Variants in ATG9A observed in about 807,000 individuals in gnomAD.
ATG9A encodes autophagy related 9A, also known as autophagy-related protein 9A.
Under a neutral mutation model 87.1 loss-of-function variants are expected in ATG9A, and 21 were observed. The ratio of observed to expected loss-of-function variants is 0.24; its 90% CI spans 0.17 to 0.35. The LOEUF is 0.35. ATG9A is among the 10% of genes least tolerant of loss of function. The pLI, the probability that ATG9A is intolerant of heterozygous loss-of-function variation, is 1.00. For missense variants in ATG9A, 836 were observed against 1,107.3 expected (o/e 0.76, Z 3.48); for synonymous variants, 422 against 441.3 (o/e 0.96, Z 0.55).
chr2:219,224,946 T>C lies in ATG9A; in HGVS notation c.517-92A>G. The C allele has an allele frequency of 1.3e-6, 2 of 1,577,546 alleles. No individual in the cohort carries two copies. The highest frequency in any genetic ancestry group is 2.3e-5 in the South Asian group (2 of 87,812). On this transcript the variant is annotated intron_variant, in intron 7 of 15. Transcript: ENST00000361242. The surrounding 1 kb of genome is among the most constrained non-coding windows in gnomAD (Gnocchi z 7.7). ...TATATTAGAAGTGAGATTCAGGGGTTGTGAGCTTAAGAGACAGTTCCTGAT... is the reference window on the plus strand; with the variant it reads ...TATATTAGAAGTGAGATTCAGGGGTCGTGAGCTTAAGAGACAGTTCCTGAT...
chr2:219,221,278 C>T lies in ATG9A; in HGVS notation c.2170G>A (p.Glu724Lys). ...HQLHKQQAQA[E>K]PERHVWHRRE... ...CGGTGCCATACATGCCGCTCAGGTTCAGCCTGGGCCTGCTGCTTGTGGAGC... is the reference window on the plus strand; with the variant it reads ...CGGTGCCATACATGCCGCTCAGGTTTAGCCTGGGCCTGCTGCTTGTGGAGC... Residue 724 changes from glutamate (E) to lysine (K), a missense_variant, in exon 14 of 16, where the codon GAA becomes AAA. Coordinates refer to ENST00000361242, the MANE Select transcript of ATG9A (RefSeq NM_001077198.3). 6.4e-7 allele frequency: 1 copy of T among 1,564,910 alleles called. No individual in the cohort carries two copies. The highest frequency in any genetic ancestry group is 8.6e-7 in the Non-Finnish European group (1 of 1,156,576).
At position 219,224,857 on chromosome 2, in the gene ATG9A, G is replaced by A; in HGVS notation, c.517-3C>T. 2 of 1,517,772 alleles carry A rather than the reference G, an allele frequency of 1.3e-6. No homozygotes were observed. The highest frequency in any genetic ancestry group is 1.8e-6 in the Non-Finnish European group (2 of 1,124,780). The allele number at this position is 1,517,772 out of a possible 1,614,324, so 94.0% of individuals were successfully genotyped here. On this transcript the variant is annotated splice_polypyrimidine_tract_variant and splice_region_variant and intron_variant, in intron 7 of 15. Coordinates refer to ENST00000361242, the MANE Select transcript of ATG9A (RefSeq NM_001077198.3). The surrounding 1 kb of genome is among the most constrained non-coding windows in gnomAD (Gnocchi z 7.7). Reference sequence around the variant, plus strand: ...CACGTGCAATACGGAAGGGCAGACTGCGGGGTGGGGTGGGGAAGAGACAAG... The same window carrying A: ...CACGTGCAATACGGAAGGGCAGACTACGGGGTGGGGTGGGGAAGAGACAAG...
chr2:219,222,064 G>A lies in ATG9A; in HGVS notation c.2131C>T (p.Leu711Phe). The A allele has an allele frequency of 6.2e-7, 1 of 1,613,922 alleles. No homozygotes were observed. The highest frequency in any genetic ancestry group is 8.5e-7 in the Non-Finnish European group (1 of 1,179,944). Residue 711 changes from leucine (L) to phenylalanine (F), a missense_variant, in exon 13 of 16, where the codon CTC becomes TTC. Leu to Phe is a conservative substitution (Grantham distance 22, BLOSUM62 0). Coordinates refer to ENST00000361242, the MANE Select transcript of ATG9A (RefSeq NM_001077198.3). This position sits in a 1 kb window ranked among gnomAD's most constrained non-coding sequence, Gnocchi z 4.3. ...TGTGCACTCACCTGGTGCATATAGAGGGCATGCAGGCTCATCTCTGTGGAT... is the reference window on the plus strand; with the variant it reads ...TGTGCACTCACCTGGTGCATATAGAAGGCATGCAGGCTCATCTCTGTGGAT... ...YASTEMSLHA[L>F]YMHQLHKQQA...
intron 4 of ATG9A, 32 bp from the exon 5 acceptor site, chr2:219,226,965 G>C: frequency 1.9e-6 from 3 of 1,575,904 alleles, no homozygotes; most frequent in East Asian, 2.2e-5. Flanking sequence ...AGTCAGTAAA[G>C]AAAGCAGGTA....
At position 219,224,826 on chromosome 2, in the gene ATG9A, T is replaced by C. The variant is rs1375125981; in HGVS notation, c.545A>G (p.Glu182Gly). ...CGTCTGCACGATCCGGGCCTGCACT[T>C]CTTGCCACGTGCAATACGGAAGGGC... ...MSALPYCTWQ[E>G]VQARIVQTQK... Residue 182 changes from glutamate to glycine, a missense_variant, in exon 8 of 16, where the codon GAA becomes GGA. Transcript: ENST00000361242. The surrounding 1 kb of genome is among the most constrained non-coding windows in gnomAD (Gnocchi z 7.7). 6.2e-7 allele frequency: 1 copy of C among 1,613,842 alleles called. No individual in the cohort carries two copies. Among genetic ancestry groups the C allele is most frequent in the Non-Finnish European group, 8.5e-7 (1 of 1,179,980 alleles).
intron 5 of ATG9A, among the ~76,000 whole-genome samples, chr2:219,226,666 G>A (rs1247760994): frequency 6.6e-6 from 1 of 152,122 alleles, no homozygotes; most frequent in Non-Finnish European, 1.5e-5. Context: ...CTGGGCGACA[G>A]AGTGAGACTC....
chr2:219,220,086 A>G lies in ATG9A; in HGVS notation c.*361T>C. 1 of 291,570 alleles carries G rather than the reference A, an allele frequency of 3.4e-6. No homozygotes were observed. Among genetic ancestry groups the G allele is most frequent in the Non-Finnish European group, 6.5e-6 (1 of 153,796 alleles). 18.1% of individuals were successfully genotyped at this position (291,570 alleles called of 1,614,324 possible). On this transcript the variant is annotated 3_prime_UTR_variant, in exon 16 of 16. Coordinates refer to ENST00000361242, the MANE Select transcript of ATG9A (RefSeq NM_001077198.3). ...AACCTCCCCACTCCACAGTTGGCACAGGTTCTCCCTGCTTGGCAGCTTCTA... is the reference window on the plus strand; with the variant it reads ...AACCTCCCCACTCCACAGTTGGCACGGGTTCTCCCTGCTTGGCAGCTTCTA...
At chr2:219,220,633 G>T (rs1197740581) in intron 15 of ATG9A, 114 bp downstream of exon 15, 2 of 1,502,242 alleles carry the variant, frequency 1.3e-6, no homozygotes, top group African/African-American at 1.4e-5. Context: ...TTGGAAGGGA[G>T]GGTACAGTAT....
chr2:219,222,388 T>A lies in ATG9A; in HGVS notation c.1911A>T (p.Arg637Ser). 2 of 1,605,186 alleles carry A rather than the reference T, an allele frequency of 1.2e-6. No homozygotes were observed. Among genetic ancestry groups the A allele is most frequent in the Non-Finnish European group, 1.7e-6 (2 of 1,175,816 alleles). ...GSSCRGPPLP[R>S]DLQGSRHRAE... ...CCCTGTGCCTGGAGCCCTGCAGGTC[T>A]CTGGGCAGTGGAGGGCCCCGGCAGG... is the stretch of plus-strand genomic sequence containing the variant. The change falls in exon 12 of 16, where the codon AGA (arginine) becomes AGT (serine). Residue 637 changes from arginine to serine, a missense_variant. This residue lies in a region of ATG9A where 324 missense variants were observed against 347.6 expected (regional missense o/e 0.93). Transcript: ENST00000361242. The surrounding 1 kb of genome is among the most constrained non-coding windows in gnomAD (Gnocchi z 4.3).
chr2:219,227,663 C>T, intron 4 of ATG9A, 107 bp downstream of exon 4: 1 of 1,331,622 alleles, frequency 7.5e-7, no homozygotes, highest in Non-Finnish European at 1.1e-6. Flanking sequence ...GAGCTCCATT[C>T]CCGTTTCCAG....
Position 219,224,651 on chromosome 2 carries a change from A to G in ATG9A, c.720T>C (p.Ala240=), listed in dbSNP as rs527507151. 86 of 1,614,246 alleles carry G rather than the reference A, an allele frequency of 5.3e-5. 2 individuals are homozygous for G. The South Asian group carries it at 9.0e-4, about 17-fold the overall frequency. ...ACTTGAGACCACGGGTGAAGAAGACAGCTTCCCCGAGGCCAGGCAGGCGGA... is the reference window on the plus strand; with the variant it reads ...ACTTGAGACCACGGGTGAAGAAGACGGCTTCCCCGAGGCCAGGCAGGCGGA... ...LRFRLPGLGE[A]VFFTRGLKYN... The change falls in exon 8 of 16, where the codon GCT becomes GCC. Residue 240 remains alanine, a synonymous_variant. Coordinates refer to ENST00000361242, the MANE Select transcript of ATG9A (RefSeq NM_001077198.3). This position sits in a 1 kb window ranked among gnomAD's most constrained non-coding sequence, Gnocchi z 7.7.
At position 219,223,276 on chromosome 2, in the gene ATG9A, G is replaced by A. The variant is rs1574828825; in HGVS notation, c.1599+309C>T. ...CTAATTTTTTTGTATTTTTAGTAGA[G>A]AAGGGGTTTCACCGTGTTAGCCAGG... On this transcript the variant is annotated intron_variant, in intron 10 of 15. Coordinates refer to ENST00000361242, the MANE Select transcript of ATG9A (RefSeq NM_001077198.3). The surrounding 1 kb of genome is among the most constrained non-coding windows in gnomAD (Gnocchi z 4.7). Among the ~76,000 whole-genome samples the A allele has an allele frequency of 6.6e-6, 1 of 152,070 alleles. No individual in the cohort carries two copies. Among genetic ancestry groups the A allele is most frequent in the Non-Finnish European group, 1.5e-5 (1 of 68,018 alleles).
chr2:219,220,046 T>G lies in ATG9A; in HGVS notation c.*401A>C. The G allele has an allele frequency of 4.3e-6, 1 of 232,676 alleles. No homozygotes were observed. The highest frequency in any genetic ancestry group is 5.0e-5 in the Admixed American group (1 of 19,910). 14.4% of individuals were successfully genotyped at this position (232,676 alleles called of 1,614,324 possible). Reference sequence around the variant, plus strand: ...GGGGGCTAGGGAAGGTTGCAGGGGTTGAGGGTCCAGGCCCAACCTCCCCAC... The same window carrying G: ...GGGGGCTAGGGAAGGTTGCAGGGGTGGAGGGTCCAGGCCCAACCTCCCCAC... On this transcript the variant is annotated 3_prime_UTR_variant, in exon 16 of 16. Coordinates refer to ENST00000361242, the MANE Select transcript of ATG9A (RefSeq NM_001077198.3).
chr2:219,226,070 ATG>A, intron 5 of ATG9A, among the ~76,000 whole-genome samples: 1 of 151,870 alleles, frequency 6.6e-6, no homozygotes, highest in East Asian at 1.9e-4. Context: ...TGACTGAACA[ATG>A]TACGTTCCAT....
At position 219,220,820 on chromosome 2, in the gene ATG9A, T is replaced by G; in HGVS notation, c.2441A>C (p.Gln814Pro). Residue 814 changes from glutamine (Q) to proline (P), a missense_variant, in exon 15 of 16, where the codon CAG becomes CCG. Physicochemically the swap from Gln to Pro is moderately conservative, Grantham distance 76 (BLOSUM62 -1). This residue lies in a region of ATG9A where 324 missense variants were observed against 347.6 expected (regional missense o/e 0.93). Transcript: ENST00000361242. The part of the protein sequence containing the change: ...LPLGGWAEDG[Q>P]SASRHPEPVP... Reference sequence around the variant, plus strand: ...GGGCTCAGGGTGCCTTGATGCCGACTGCCCATCTTCTGCCCACCCTCCAAG... The same window carrying G: ...GGGCTCAGGGTGCCTTGATGCCGACGGCCCATCTTCTGCCCACCCTCCAAG... The G allele has an allele frequency of 6.2e-7, 1 of 1,613,534 alleles. No individual in the cohort carries two copies. Among genetic ancestry groups the G allele is most frequent in the Non-Finnish European group, 8.5e-7 (1 of 1,179,998 alleles).
At chr2:219,228,857 C>A (rs1341413631) in intron 1 of ATG9A, among the ~76,000 whole-genome samples, 1 of 152,216 alleles carries the variant, frequency 6.6e-6, no homozygotes, top group Admixed American at 6.5e-5. Flanking sequence ...TCTGGTCAAC[C>A]CCTTCTCTTA....
chr2:219,228,515 G>C (rs1310806486), intron 1 of ATG9A, 30 bp from the exon 2 acceptor site: 1 of 153,806 alleles, frequency 6.5e-6, no homozygotes, highest in African/African-American at 2.4e-5. Flanking sequence ...GCCCCAGAGA[G>C]TGGGCAGTGG....
Position 219,224,985 on chromosome 2 carries a change from A to G in ATG9A, c.516+86T>C. The G allele has an allele frequency of 1.3e-6, 2 of 1,586,186 alleles. No homozygotes were observed. Among genetic ancestry groups the G allele is most frequent in the Non-Finnish European group, 1.7e-6 (2 of 1,158,574 alleles). Reference sequence around the variant, plus strand: ...ACAGTTCCTGATTTGTCAATGACAGATAAGGATAACTGATGCCCAGGAATA... The same window carrying G: ...ACAGTTCCTGATTTGTCAATGACAGGTAAGGATAACTGATGCCCAGGAATA... On this transcript the variant is annotated intron_variant, in intron 7 of 15. Transcript: ENST00000361242. The surrounding 1 kb of genome is among the most constrained non-coding windows in gnomAD (Gnocchi z 7.7).
chr2:219,221,415 G>T, intron 13 of ATG9A, 113 bp from the exon 14 acceptor site: 1 of 961,952 alleles, frequency 1.0e-6, no homozygotes, highest in Non-Finnish European at 1.5e-6. Flanking sequence ...GAGAATCCTT[G>T]CCTCAGAGCA....
Sources: gnomAD v4.1 joint callset for allele counts (sites outside exome capture counted in the v4.1 genomes callset) on GRCh38, gnomAD v4.1.1 for gene constraint, gnomAD v4.1.1 regional missense constraint, Gnocchi (gnomAD v3.1) non-coding constraint, MANE v1.5 for transcripts, NCBI Gene and HGNC (gene_info 2026-07-23, HGNC 2026-07-21) for gene names.